The following MBOAT2 variants were observed in gnomAD, a reference collection of about 807,000 sequenced individuals.
MBOAT2 encodes membrane-bound glycerophospholipid O-acyltransferase 2.
A neutral mutation model predicts 63.4 loss-of-function variants in MBOAT2; 28 were observed. The observed-to-expected ratio is 0.44, with a 90% CI of 0.33 to 0.61. The LOEUF (loss-of-function observed/expected upper bound fraction) is 0.61, where lower values mean the gene tolerates loss of function less well. Ranked by LOEUF, MBOAT2 falls within the 20% of genes least tolerant of loss-of-function variation. The pLI is 0.03. For synonymous variants in MBOAT2, 211 were observed against 215.6 expected (o/e 0.98, Z 0.19); for missense variants, 470 against 605.8 (o/e 0.78, Z 2.35).
chr2:8,993,591 A>G (rs564231833), intron 1 of MBOAT2, among the ~76,000 whole-genome samples: 1 of 152,110 alleles, frequency 6.6e-6, no homozygotes. Context: ...TCCCAGGAAA[A>G]GTCCCCTGGG....
intron 4 of MBOAT2, among the ~76,000 whole-genome samples, chr2:8,894,241 CACAT>C (rs1356011881): frequency 6.6e-6 from 1 of 152,178 alleles, no homozygotes; most frequent in African/African-American, 2.4e-5. Flanking sequence ...TTTGTGAACA[CACAT>C]ACATTCAGGG....
intron 6 of MBOAT2, among the ~76,000 whole-genome samples, chr2:8,878,209 G>C (rs994512650): frequency 6.6e-6 from 1 of 152,178 alleles, no homozygotes; most frequent in Non-Finnish European, 1.5e-5. Flanking sequence ...TTAGAGGTCT[G>C]TCCAAATGAT....
intron 5 of MBOAT2, among the ~76,000 whole-genome samples, chr2:8,887,119 C>A (rs191329885): frequency 1.4e-3 from 207 of 152,362 alleles, no homozygotes; most frequent in African/African-American, 4.8e-3. Context: ...AACCCACACT[C>A]CAACCACATC....
intron 3 of MBOAT2, among the ~76,000 whole-genome samples, chr2:8,913,758 T>C (rs1375906081): frequency 6.6e-6 from 1 of 152,196 alleles, no homozygotes; most frequent in Non-Finnish European, 1.5e-5. Context: ...TGGAAAGCAG[T>C]GTGGAGATTC....
At chr2:8,898,432 C>CT (rs1338622769) in intron 4 of MBOAT2, among the ~76,000 whole-genome samples, 2 of 152,232 alleles carry the variant, frequency 1.3e-5, no homozygotes, top group African/African-American at 4.8e-5. Flanking sequence ...TCATTCCTTG[C>CT]TGAGGGCCCT....
At chr2:8,859,920 C>G (rs1358964063) in intron 12 of MBOAT2, among the ~76,000 whole-genome samples, 1 of 152,140 alleles carries the variant, frequency 6.6e-6, no homozygotes, top group African/African-American at 2.4e-5. Context: ...TGTGGTGGCT[C>G]ATGCCTGTAA....
intron 1 of MBOAT2, among the ~76,000 whole-genome samples, chr2:8,980,671 C>T (rs748282267): frequency 2.6e-5 from 4 of 151,860 alleles, no homozygotes; most frequent in Non-Finnish European, 5.9e-5. Flanking sequence ...TGCACTATAC[C>T]ACTTCACATC....
intron 1 of MBOAT2, among the ~76,000 whole-genome samples, chr2:8,982,219 CA>C (rs1375804610): frequency 6.6e-6 from 1 of 152,134 alleles, no homozygotes; most frequent in African/African-American, 2.4e-5. Context: ...GACATATTTA[CA>C]GCATAGGAAA....
At chr2:8,873,351 T>C in intron 7 of MBOAT2, 51 bp from the exon 8 acceptor site, 1 of 1,555,648 alleles carries the variant, frequency 6.4e-7, no homozygotes. Flanking sequence ...CTCCTTTTAA[T>C]TCATTCTATG....
intron 4 of MBOAT2, among the ~76,000 whole-genome samples, chr2:8,905,028 T>C (rs900576054): frequency 1.3e-5 from 2 of 152,134 alleles, no homozygotes; most frequent in Non-Finnish European, 2.9e-5. Context: ...AGTTTCTCCA[T>C]ACTCTTGTGC....
intron 3 of MBOAT2, among the ~76,000 whole-genome samples, chr2:8,937,486 T>C (rs1667749472): frequency 6.6e-6 from 1 of 152,162 alleles, no homozygotes; most frequent in African/African-American, 2.4e-5. Context: ...ACATCTATCA[T>C]TAAGAACTGA....
At chr2:8,986,113 T>C (rs1416986596) in intron 1 of MBOAT2, among the ~76,000 whole-genome samples, 2 of 143,630 alleles carry the variant, frequency 1.4e-5, no homozygotes, top group Non-Finnish European at 3.0e-5. Context: ...CAAACACCCA[T>C]AAGCACAGAC....
At chr2:8,995,683 C>G (rs1449254390) in intron 1 of MBOAT2, among the ~76,000 whole-genome samples, 4 of 151,594 alleles carry the variant, frequency 2.6e-5, no homozygotes, top group East Asian at 1.9e-4. Flanking sequence ...CTCTGCCTCC[C>G]GGGTTCGCGC....
chr2:8,897,437 C>A (rs537422880), intron 4 of MBOAT2, among the ~76,000 whole-genome samples: 6 of 152,200 alleles, frequency 3.9e-5, no homozygotes, highest in African/African-American at 1.2e-4. Flanking sequence ...ATGGAGGGAA[C>A]GTTCCCCCAG....
At chr2:8,872,432 C>G (rs1384678956) in intron 8 of MBOAT2, among the ~76,000 whole-genome samples, 2 of 152,090 alleles carry the variant, frequency 1.3e-5, no homozygotes, top group Non-Finnish European at 2.9e-5. Flanking sequence ...CACATGCCAC[C>G]AGGCCTAGTT....
At chr2:8,987,409 T>C (rs1276622623) in intron 1 of MBOAT2, among the ~76,000 whole-genome samples, 1 of 152,230 alleles carries the variant, frequency 6.6e-6, no homozygotes, top group African/African-American at 2.4e-5. Flanking sequence ...TTGGTCAAAC[T>C]GCACAATTAA....
intron 1 of MBOAT2, among the ~76,000 whole-genome samples, chr2:8,981,541 A>C (rs1033117230): frequency 3.3e-5 from 5 of 152,156 alleles, no homozygotes; most frequent in African/African-American, 4.8e-5. Context: ...AGAGCCTCAG[A>C]GAAGACGATG....
intron 1 of MBOAT2, among the ~76,000 whole-genome samples, chr2:8,965,404 C>G (rs937659323): frequency 3.9e-5 from 6 of 152,136 alleles, no homozygotes; most frequent in African/African-American, 1.4e-4. Context: ...AAGGAAACAG[C>G]AAGTACAGCA....
At chr2:8,945,290 T>C (rs866119568) in intron 2 of MBOAT2, among the ~76,000 whole-genome samples, 1 of 152,150 alleles carries the variant, frequency 6.6e-6, no homozygotes, top group African/African-American at 2.4e-5. Flanking sequence ...TTCAGTTGCT[T>C]TTCCACTCAA....
Sources: allele counts gnomAD v4.1 joint callset (sites outside exome capture counted in the v4.1 genomes callset), GRCh38; gene constraint gnomAD v4.1.1; transcripts MANE v1.5; gene names NCBI Gene and HGNC (gene_info 2026-07-23, HGNC 2026-07-21).